The following RNF212B variants were observed in gnomAD, a reference collection of about 807,000 sequenced individuals.
The protein encoded by RNF212B is ring finger protein 212B, also known as E3 ubiquitin-protein ligase RNF212B.
In RNF212B, 52 loss-of-function variants were observed where a neutral mutation model predicts 55.5. That is an observed-to-expected ratio of 0.94 (90% CI 0.75 to 1.18). RNF212B has a LOEUF of 1.18. RNF212B is among the 50% of genes most tolerant of loss of function. RNF212B has a pLI of 0.00. For missense variants in RNF212B, 289 were observed against 350.4 expected (o/e 0.82, Z 1.40); for synonymous variants, 99 against 121.4 (o/e 0.82, Z 1.21).
chr14:23,266,106 G>A (rs775652919), intron 11 of RNF212B, among the ~76,000 whole-genome samples: 8 of 151,688 alleles, frequency 5.3e-5, no homozygotes, highest in Non-Finnish European at 7.4e-5. Context: ...CTACAGGCAC[G>A]TGCCACCATG....
In RNF212B at chr14:23,254,591, GC is replaced by G. The variant is rs149293083; in HGVS notation, c.229-3956del. On this transcript the variant is annotated intron_variant, in intron 4 of 14. Coordinates refer to ENST00000430154, the MANE Select transcript of RNF212B (RefSeq NM_001282322.3). The stretch of plus-strand genomic sequence containing the variant: ...GTGCTTTTGGTAGAGATAGCATTTT[GC>G]CACGTTGCCCAGGCTGTTCTCAAAC... 6.5e-3 allele frequency among the ~76,000 whole-genome samples: 990 copies of G among 152,182 alleles called. 12 individuals carry two copies. Among genetic ancestry groups the G allele is most frequent in the African/African-American group, 0.022 (932 of 41,508 alleles).
chr14:23,201,397 AT>A (rs1269058397), intron 2 of RNF212B, among the ~76,000 whole-genome samples: 1 of 152,214 alleles, frequency 6.6e-6, no homozygotes, highest in East Asian at 1.9e-4. Context: ...GCACACAGTA[AT>A]TTTAACTTAA....
chr14:23,206,045 T>G (rs1026473721), intron 2 of RNF212B, among the ~76,000 whole-genome samples: 1 of 152,230 alleles, frequency 6.6e-6, no homozygotes, highest in Admixed American at 6.5e-5. Flanking sequence ...ATTAAAGATT[T>G]TACTTATTAC....
In RNF212B at chr14:23,211,920, G is replaced by A. The variant is rs568302033; in HGVS notation, c.-2+18519G>A. ...TTGTACTATTTTTAGTAGAGACAGGGTTTTGCCATGTTGGCCAGGCTGGTC... is the reference window on the plus strand; with the variant it reads ...TTGTACTATTTTTAGTAGAGACAGGATTTTGCCATGTTGGCCAGGCTGGTC... On this transcript the variant is annotated intron_variant, in intron 2 of 15. Transcript: ENST00000399910. Among the ~76,000 whole-genome samples the A allele has an allele frequency of 5.9e-5, 9 of 152,234 alleles. No homozygotes were observed. In the South Asian group the frequency reaches 1.9e-3, roughly 32 times the overall value.
intron 2 of RNF212B, among the ~76,000 whole-genome samples, chr14:23,216,879 CAAAAAAAA>C (rs59923716): frequency 1.8e-4 from 9 of 48,768 alleles, no homozygotes; most frequent in Admixed American, 3.8e-4. Flanking sequence ...GACCCTGTCT[CAAAAAAAA>C]AAAAAAAAAA....
At chr14:23,202,486 C>T (rs1256118502) in intron 2 of RNF212B, among the ~76,000 whole-genome samples, 1 of 152,118 alleles carries the variant, frequency 6.6e-6, no homozygotes, top group Admixed American at 6.6e-5. Context: ...TAATTTCTTG[C>T]CCTGTGTCTC....
chr14:23,196,163 GC>G (rs1476780474), intron 2 of RNF212B, among the ~76,000 whole-genome samples: 66 of 152,290 alleles, frequency 4.3e-4, no homozygotes, highest in African/African-American at 1.6e-3. Flanking sequence ...GCAAATCAGA[GC>G]CTAGACACTT....
intron 2 of RNF212B, among the ~76,000 whole-genome samples, chr14:23,211,709 C>T (rs1209713011): frequency 6.6e-6 from 1 of 152,136 alleles, no homozygotes; most frequent in Non-Finnish European, 1.5e-5. Context: ...TAGAGACACA[C>T]TTAAAAAATA....
At chr14:23,202,648 G>A (rs921175463) in intron 2 of RNF212B, among the ~76,000 whole-genome samples, 1 of 152,122 alleles carries the variant, frequency 6.6e-6, no homozygotes, top group African/African-American at 2.4e-5. Context: ...TCAGGAGATC[G>A]AGACCACCCT....
intron 2 of RNF212B, among the ~76,000 whole-genome samples, chr14:23,203,952 G>A (rs1353318440): frequency 6.6e-6 from 1 of 152,186 alleles, no homozygotes; most frequent in African/African-American, 2.4e-5. Flanking sequence ...GTTGCATTGT[G>A]GTTTTGATTT....
At chr14:23,239,541 A>G (rs867118223) in intron 1 of RNF212B, among the ~76,000 whole-genome samples, 14 of 152,176 alleles carry the variant, frequency 9.2e-5, no homozygotes, top group African/African-American at 3.4e-4. Context: ...TCACCATATC[A>G]CAGGAAGTAG....
chr14:23,262,385 G>T (rs1466050845), intron 7 of RNF212B, among the ~76,000 whole-genome samples: 1 of 152,124 alleles, frequency 6.6e-6, no homozygotes, highest in Non-Finnish European at 1.5e-5. Context: ...GAGAGTACTT[G>T]GTAAGGCACT....
chr14:23,237,917 C>G (rs189744024), upstream of RNF212B, among the ~76,000 whole-genome samples: 11 of 152,320 alleles, frequency 7.2e-5, no homozygotes, highest in East Asian at 2.1e-3. Flanking sequence ...CCTCTCACAC[C>G]GCCTCGGCTG....
intron 2 of RNF212B, among the ~76,000 whole-genome samples, chr14:23,226,614 G>T (rs1882044342): frequency 6.6e-6 from 1 of 152,036 alleles, no homozygotes; most frequent in African/African-American, 2.4e-5. Flanking sequence ...CTGGGTGACA[G>T]AGCGAGACTC....
intron 3 of RNF212B, 74 bp from the exon 4 acceptor site, chr14:23,244,247 CT>C: frequency 4.7e-6 from 4 of 845,358 alleles, no homozygotes; most frequent in Non-Finnish European, 7.3e-6. Flanking sequence ...GGTGGTACAT[CT>C]TTTGTCATGT....
At chr14:23,207,589 G>A (rs1048824160) in intron 2 of RNF212B, among the ~76,000 whole-genome samples, 2 of 152,222 alleles carry the variant, frequency 1.3e-5, no homozygotes, top group Non-Finnish European at 2.9e-5. Context: ...TTGAGCCATA[G>A]AGTTAGCTCA....
chr14:23,193,894 T>C (rs1363888259), intron 2 of RNF212B, among the ~76,000 whole-genome samples: 1 of 152,170 alleles, frequency 6.6e-6, no homozygotes, highest in Non-Finnish European at 1.5e-5. Flanking sequence ...CAAGCTGGAG[T>C]GCAGTGGCGC....
intron 2 of RNF212B, among the ~76,000 whole-genome samples, chr14:23,206,891 A>G (rs971377680): frequency 6.6e-6 from 1 of 152,216 alleles, no homozygotes; most frequent in African/African-American, 2.4e-5. Flanking sequence ...ACTGAGAAGA[A>G]AAAGAAAAAC....
chr14:23,214,491 C>A (rs542439752), intron 2 of RNF212B, among the ~76,000 whole-genome samples: 1 of 151,542 alleles, frequency 6.6e-6, no homozygotes, highest in South Asian at 2.1e-4. Context: ...GAGACTCAGT[C>A]CCCCCAATAA....
Sources: gnomAD v4.1 joint callset for allele counts (sites outside exome capture counted in the v4.1 genomes callset) on GRCh38, gnomAD v4.1.1 for gene constraint, MANE v1.5 for transcripts, NCBI Gene and HGNC (gene_info 2026-07-23, HGNC 2026-07-21) for gene names.